RNASE9: variants seen among roughly 807,000 people sequenced by gnomAD.
The protein encoded by RNASE9 is inactive ribonuclease-like protein 9.
For missense variants in RNASE9, 263 were observed against 247.1 expected (o/e 1.06, Z -0.43); for synonymous variants, 95 against 87.6 (o/e 1.08, Z -0.47).
At chr14:20,556,302 A>C in exon 3 of RNASE9, 1 of 618,826 alleles carries the variant, frequency 1.6e-6, no homozygotes, top group Non-Finnish European at 2.8e-6. Context: ...AACCTAGCCT[A>C]AGGTGCTTTT....
At chr14:20,558,522 C>T (rs1389338571) in exon 3 of RNASE9, 1 of 1,525,556 alleles carries the variant, frequency 6.6e-7, no homozygotes, top group Non-Finnish European at 8.9e-7. Flanking sequence ...GCTTTTCCTC[C>T]CATCCCTGCT....
exon 3 of RNASE9, chr14:20,556,457 G>A (rs553838215): frequency 6.2e-7 from 1 of 1,603,860 alleles, no homozygotes; most frequent in Admixed American, 1.7e-5. Flanking sequence ...CTCTGCTAGG[G>A]CGATATGACA....
exon 3 of RNASE9, chr14:20,558,481 G>A (rs537517838): frequency 2.5e-5 from 30 of 1,191,116 alleles, no homozygotes; most frequent in African/African-American, 2.1e-4. Context: ...ACTCTGGGGC[G>A]GCCATGTGCC....
At chr14:20,559,688 C>T (rs1478169457) in intron 1 of RNASE9, 55 bp from the exon 2 acceptor site, 1 of 152,148 alleles carries the variant, frequency 6.6e-6, no homozygotes, top group African/African-American at 2.4e-5. Context: ...TGATTCTTAG[C>T]TCACTAAAGT....
At chr14:20,559,848 T>C (rs59342407) in intron 1 of RNASE9, among the ~76,000 whole-genome samples, 1,771 of 152,332 alleles carry the variant, frequency 0.012, 44 homozygotes, top group African/African-American at 0.041. Context: ...TTGTGAATCA[T>C]GTTGCTATGA....
At chr14:20,556,937 C>G (rs1278147694) in exon 3 of RNASE9, 1 of 1,614,106 alleles carries the variant, frequency 6.2e-7, no homozygotes, top group Admixed American at 1.7e-5. Flanking sequence ...AAACACTCTT[C>G]AAATTCTTCT....
chr14:20,556,446 G>A (rs8014474), exon 3 of RNASE9: 1,164,023 of 1,575,224 alleles, frequency 0.74, 441,982 homozygotes, highest in Non-Finnish European at 0.77. Flanking sequence ...CTCAGAGAAC[G>A]CTCTGCTAGG....
chr14:20,559,919 TG>T (rs1344080740), intron 1 of RNASE9, among the ~76,000 whole-genome samples: 1 of 152,184 alleles, frequency 6.6e-6, no homozygotes, highest in African/African-American at 2.4e-5. Context: ...TAAACTTGCT[TG>T]GAAGGTTTAT....
exon 3 of RNASE9, chr14:20,556,858 A>G: frequency 6.2e-7 from 1 of 1,614,220 alleles, no homozygotes; most frequent in African/African-American, 1.3e-5. Context: ...TCCAGGTTCA[A>G]TAAGGACACG....
At chr14:20,558,675 G>T in intron 2 of RNASE9, 1 of 1,268,624 alleles carries the variant, frequency 7.9e-7, no homozygotes, top group Non-Finnish European at 1.1e-6. Context: ...GACAGTACAC[G>T]TGTGAAAAGC....
chr14:20,556,472 C>T, exon 3 of RNASE9: 2 of 1,611,332 alleles, frequency 1.2e-6, no homozygotes, highest in Non-Finnish European at 1.7e-6. Context: ...ATGACAAAGA[C>T]ACCATCCTCA....
chr14:20,556,254 G>A (rs192994761), exon 3 of RNASE9: 113 of 526,156 alleles, frequency 2.1e-4, no homozygotes, highest in Non-Finnish European at 6.4e-5. Context: ...CTAACTTAGG[G>A]GACCTGCATG....
chr14:20,556,224 C>T (rs139916800), exon 3 of RNASE9: 9 of 487,408 alleles, frequency 1.8e-5, no homozygotes, highest in African/African-American at 3.8e-5. Flanking sequence ...CATCTGTATC[C>T]GTAACACATT....
At chr14:20,558,618 C>T (rs768969342) in exon 3 of RNASE9, 134 of 1,547,194 alleles carry the variant, frequency 8.7e-5, no homozygotes, top group Non-Finnish European at 1.1e-4. Flanking sequence ...AACATACTCT[C>T]ACAAGAACGC....
chr14:20,558,671 A>T (rs1039257318), intron 2 of RNASE9: 33 of 1,309,712 alleles, frequency 2.5e-5, no homozygotes, highest in Non-Finnish European at 3.3e-5. Flanking sequence ...CATGGACAGT[A>T]CACGTGTGAA....
exon 3 of RNASE9, chr14:20,557,310 A>T (rs1047423723): frequency 4.5e-6 from 2 of 448,958 alleles, no homozygotes; most frequent in African/African-American, 2.0e-5. Context: ...AGGTGAAAGG[A>T]AGGAGAATGA....
exon 3 of RNASE9, chr14:20,558,398 A>G (rs1223142462): frequency 1.4e-5 from 10 of 699,946 alleles, no homozygotes; most frequent in Non-Finnish European, 2.4e-5. Context: ...AGAGACAGGA[A>G]AGTTGAGCAT....
At chr14:20,556,333 G>C in exon 3 of RNASE9, 1 of 741,032 alleles carries the variant, frequency 1.3e-6, no homozygotes, top group African/African-American at 1.7e-5. Flanking sequence ...GGGAAAGGAA[G>C]AAAGGAAGGT....
At chr14:20,557,474 G>A (rs550035201) in exon 3 of RNASE9, 26 of 169,838 alleles carry the variant, frequency 1.5e-4, no homozygotes, top group Admixed American at 3.0e-4. Context: ...TGCTCCTTTC[G>A]TCTGAAATAA....
Sources: gnomAD v4.1 joint callset for allele counts (sites outside exome capture counted in the v4.1 genomes callset) on GRCh38, gnomAD v4.1.1 for gene constraint, MANE v1.5 for transcripts, NCBI Gene and HGNC (gene_info 2026-07-23, HGNC 2026-07-21) for gene names.